The following NOC2L variants were observed in gnomAD, a reference collection of about 807,000 sequenced individuals.
The protein encoded by NOC2L is nucleolar complex protein 2 homolog.
In NOC2L, 101 loss-of-function variants were observed where a neutral mutation model predicts 94.2. The ratio of observed to expected loss-of-function variants is 1.07; its 90% CI spans 0.91 to 1.26. The LOEUF (loss-of-function observed/expected upper bound fraction) is 1.26, where lower values mean the gene tolerates loss of function less well. Among genes scored for constraint, NOC2L ranks in the 50% most tolerant of loss-of-function variants. The pLI, the probability that NOC2L is intolerant of heterozygous loss-of-function variation, is 0.00. For missense variants in NOC2L, 1,076 were observed against 980.1 expected (o/e 1.10, Z -1.31); for synonymous variants, 531 against 413.4 (o/e 1.28, Z -3.45).
rs368313199 is a variant in NOC2L at position 945,083 on chromosome 1, CCCTCCTCCTCGT to C, written c.2105_2116del (p.Asp702_Glu705del). The stretch of plus-strand genomic sequence containing the variant: ...CTCCGAGTTGCTGCTGTCCTCCTCG[CCCTCCTCCTCGT>C]CCTCTTCATCGTCTTCCACCCCATG... On this transcript the variant is annotated inframe_deletion, in exon 18 of 19. Coordinates refer to ENST00000327044, the MANE Select transcript of NOC2L (RefSeq NM_015658.4). 5.6e-4 allele frequency: 905 copies of C among 1,613,848 alleles called. 10 individuals are homozygous for C. In the South Asian group the frequency reaches 8.8e-3, roughly 16 times the overall value.
intron 14 of NOC2L, 33 bp downstream of exon 14, chr1:948,098 T>C (rs980941405): frequency 6.6e-7 from 1 of 1,517,322 alleles, no homozygotes; most frequent in Non-Finnish European, 9.0e-7. Flanking sequence ...ACAGTCTGAG[T>C]CGGCCACGAG....
chr1:958,749 T>C lies in NOC2L; in HGVS notation c.179+180A>G, dbSNP rs1642491048. ...CATACGCTCCCTGCCTAGGACAGAG[T>C]TTGGCACGGAACAGGAGCTCAGTAA... On this transcript the variant is annotated intron_variant, in intron 2 of 18. Coordinates refer to ENST00000327044, the MANE Select transcript of NOC2L (RefSeq NM_015658.4). The C allele has an allele frequency of 5.5e-6, 4 of 730,442 alleles. No individual in the cohort carries two copies. The Admixed American group carries it at 6.0e-5, about 11-fold the overall frequency. The allele number at this position is 730,442 out of a possible 1,614,324, so 45.2% of individuals were successfully genotyped here.
chr1:957,797 G>A (rs1166526458), intron 2 of NOC2L: 3 of 159,440 alleles, frequency 1.9e-5, no homozygotes, highest in East Asian at 1.8e-4. Flanking sequence ...AAACCCAGAA[G>A]TAACTCCCTG....
chr1:950,559 A>ACACAGGTGTACACACG (rs1553161384), intron 12 of NOC2L, among the ~76,000 whole-genome samples: 4 of 152,298 alleles, frequency 2.6e-5, no homozygotes, highest in Middle Eastern at 6.8e-3. Context: ...ACATGCATAC[A>ACACAGGTGTACACACG]CACAGGTGTA....
chr1:951,008 CAAG>C (rs1642246159), intron 12 of NOC2L, 116 bp downstream of exon 12: 2 of 767,142 alleles, frequency 2.6e-6, no homozygotes, highest in Non-Finnish European at 4.5e-6. Context: ...ACACCCGTGA[CAAG>C]GAGGCGGCCA....
intron 16 of NOC2L, 146 bp from the exon 17 acceptor site, chr1:945,799 C>A: frequency 4.9e-6 from 5 of 1,027,290 alleles, no homozygotes; most frequent in South Asian, 1.5e-5. Flanking sequence ...AGCCATCCTC[C>A]AAGTTGTCCA....
intron 14 of NOC2L, 55 bp downstream of exon 14, chr1:948,076 G>GC: frequency 7.1e-7 from 1 of 1,417,692 alleles, no homozygotes; most frequent in South Asian, 1.2e-5. Context: ...GGGCAGCCAA[G>GC]CCCGTTATAA....
chr1:944,882 C>G, intron 18 of NOC2L, 82 bp from the exon 19 acceptor site: 1 of 1,302,414 alleles, frequency 7.7e-7, no homozygotes, highest in Non-Finnish European at 1.1e-6. Flanking sequence ...ACTAATTAAT[C>G]ACGGCACTAA....
chr1:951,058 G>T, intron 12 of NOC2L, 69 bp downstream of exon 12: 2 of 1,232,596 alleles, frequency 1.6e-6, no homozygotes, highest in Non-Finnish European at 2.3e-6. Flanking sequence ...CAGCACAGAC[G>T]CCCGGAGCAG....
At chr1:944,976 C>G in intron 18 of NOC2L, 81 bp downstream of exon 18, 1 of 1,600,186 alleles carries the variant, frequency 6.2e-7, no homozygotes, top group Non-Finnish European at 8.5e-7. Flanking sequence ...GCCCAGAGCC[C>G]CACGCCCCCC....
intron 11 of NOC2L, 138 bp downstream of exon 11, chr1:951,862 C>G (rs923310434): frequency 1.0e-6 from 1 of 960,844 alleles, no homozygotes; most frequent in African/African-American, 1.6e-5. Context: ...GGTACAGGGA[C>G]CCCAGCCCTT....
chr1:955,386 G>A (rs1241579164), intron 6 of NOC2L, among the ~76,000 whole-genome samples: 2 of 152,204 alleles, frequency 1.3e-5, no homozygotes, highest in Admixed American at 6.5e-5. Flanking sequence ...CACAGCCCCG[G>A]AACCCCAACG....
At chr1:947,621 G>A (rs1411821777) in intron 14 of NOC2L, among the ~76,000 whole-genome samples, 1 of 152,226 alleles carries the variant, frequency 6.6e-6, no homozygotes, top group Non-Finnish European at 1.5e-5. Context: ...TGAGGATAAG[G>A]AGAACCCCCT....
rs1444324645 is a variant in NOC2L at position 955,659 on chromosome 1, G to C, written c.698+264C>G. The stretch of plus-strand genomic sequence containing the variant: ...TAACCTGGGAAAATCTGAGAGCAAA[G>C]GCAGCTGCACACGCCACACCTTCTG... On this transcript the variant is annotated intron_variant, in intron 6 of 18. Transcript: ENST00000327044. 6.6e-5 allele frequency among the ~76,000 whole-genome samples: 10 copies of C among 152,202 alleles called. 1 individual carries two copies. Among genetic ancestry groups the C allele is most frequent in the Non-Finnish European group, 1.5e-4 (10 of 68,044 alleles).
chr1:952,468 G>C lies in NOC2L; in HGVS notation c.1135C>G (p.Leu379Val), dbSNP rs765160791. Residue 379 changes from leucine to valine, a missense_variant, in exon 10 of 19, where the codon CTC becomes GTC. By Grantham distance (32) the Leu-to-Val change is conservative (BLOSUM62 1). Transcript: ENST00000327044. The part of the protein sequence containing the change: ...EPGVAYQHAF[L>V]YIRQLAIHLR... Reference sequence around the variant, plus strand: ...TGTATGGCGAGCTGGCGGATGTAGAGGAAGGCGTGCTGGTAGGCCACACCC... The same window carrying C: ...TGTATGGCGAGCTGGCGGATGTAGACGAAGGCGTGCTGGTAGGCCACACCC... The C allele has an allele frequency of 6.2e-7, 1 of 1,613,836 alleles. No individual in the cohort carries two copies.
intron 6 of NOC2L, among the ~76,000 whole-genome samples, chr1:954,839 C>A (rs77259182): frequency 0.023 from 3,496 of 151,742 alleles, 131 homozygotes; most frequent in African/African-American, 0.08. Flanking sequence ...AAAAAAAAAA[C>A]CAAAAACCAA....
At position 948,617 on chromosome 1, in the gene NOC2L, C is replaced by T. The variant is rs1440264785; in HGVS notation, c.1444-14G>A. ...CTGCTGGAACATCTGCCCCAAGGGC[C>T]GTGTCAGGCTCTCTCGGCCCCATGC... On this transcript the variant is annotated splice_polypyrimidine_tract_variant and intron_variant, in intron 12 of 18. Coordinates refer to ENST00000327044, the MANE Select transcript of NOC2L (RefSeq NM_015658.4). 9.4e-6 allele frequency: 11 copies of T among 1,166,900 alleles called. No individual in the cohort carries two copies. The highest frequency in any genetic ancestry group is 2.7e-5 in the African/African-American group (1 of 36,496). 72.3% of individuals were successfully genotyped at this position (1,166,900 alleles called of 1,614,324 possible).
intron 13 of NOC2L, 73 bp downstream of exon 13, chr1:948,417 C>T: frequency 8.2e-7 from 1 of 1,216,072 alleles, no homozygotes; most frequent in South Asian, 1.2e-5. Flanking sequence ...TGCCAGCCCC[C>T]TCCCATCCAC....
At position 945,536 on chromosome 1, in the gene NOC2L, CG is replaced by C; in HGVS notation, c.2034del (p.Glu679ArgfsTer9). 6.2e-7 allele frequency: 1 copy of C among 1,613,938 alleles called. No individual in the cohort carries two copies. Among genetic ancestry groups the C allele is most frequent in the Non-Finnish European group, 8.5e-7 (1 of 1,179,860 alleles). Reference protein sequence around the residue: ...FDLNSSEEDDTEGFSERGILR... With the variant: ...FDLNSSEEDDXEGFSERGILR... Reference sequence around the variant, plus strand: ...GCCCCACCTCTCTCCGAGAATCCCTCGGTGTCGTCCTCTTCAGAGCTGTTCA... The same window carrying C: ...GCCCCACCTCTCTCCGAGAATCCCTCGTGTCGTCCTCTTCAGAGCTGTTCA... On this transcript the variant is annotated frameshift_variant, in exon 17 of 19. Transcript: ENST00000327044. LOFTEE classifies it high-confidence loss of function.
Sources: allele counts gnomAD v4.1 joint callset (sites outside exome capture counted in the v4.1 genomes callset), GRCh38; gene constraint gnomAD v4.1.1; transcripts MANE v1.5; gene names NCBI Gene and HGNC (gene_info 2026-07-23, HGNC 2026-07-21).